The following ACTR3C variants were observed in gnomAD, a reference collection of about 807,000 sequenced individuals.
ACTR3C encodes actin-related protein 3C.
ACTR3C carries 18 observed loss-of-function variants against 26.3 expected under a neutral mutation model. The observed-to-expected ratio is 0.68, with a 90% CI of 0.47 to 1.01. The LOEUF (loss-of-function observed/expected upper bound fraction) is 1.01. Ranked by LOEUF, ACTR3C falls within the 50% of genes least tolerant of loss-of-function variation. The probability of loss-of-function intolerance (pLI) is 0.00; values close to 1 mark genes in which losing one functional copy is unlikely to be tolerated. For synonymous variants in ACTR3C, 55 were observed against 94.5 expected, an observed-to-expected ratio of 0.58 and a Z score of 2.42; for missense variants, 184 against 250.7, an observed-to-expected ratio of 0.73 and a Z score of 1.80.
the ACTR3C span, among the ~76,000 whole-genome samples, chr7:150,049,115 C>T: frequency 1.0e-2 from 1,519 of 152,074 alleles, 10 homozygotes; most frequent in African/African-American, 0.035. Flanking sequence ...TGCCTCCTGC[C>T]CAGCCGCAGG....
At chr7:149,918,255 C>T in the ACTR3C span, among the ~76,000 whole-genome samples, 430 of 152,066 alleles carry the variant, frequency 2.8e-3, no homozygotes, top group Non-Finnish European at 4.5e-3. Flanking sequence ...GTAAGGTAAA[C>T]TCTGACTTCC....
At chr7:150,233,194 A>G in the ACTR3C span, among the ~76,000 whole-genome samples, 2 of 150,680 alleles carry the variant, frequency 1.3e-5, no homozygotes, top group Admixed American at 6.6e-5. Flanking sequence ...GGAAGTCTTT[A>G]TTTCTCAAGT....
At chr7:150,090,882 G>A in the ACTR3C span, among the ~76,000 whole-genome samples, 1 of 152,180 alleles carries the variant, frequency 6.6e-6, no homozygotes, top group Admixed American at 6.5e-5. Context: ...TGGTTGAGGG[G>A]CTGACTCTGG....
the ACTR3C span, among the ~76,000 whole-genome samples, chr7:150,109,301 T>A: frequency 6.6e-6 from 1 of 152,110 alleles, no homozygotes; most frequent in African/African-American, 2.4e-5. Flanking sequence ...CTTCTATGGA[T>A]GTAAACTAAT....
At chr7:149,920,802 C>T in the ACTR3C span, among the ~76,000 whole-genome samples, 6 of 151,356 alleles carry the variant, frequency 4.0e-5, no homozygotes, top group Admixed American at 6.6e-5. Flanking sequence ...GTTTCACTCT[C>T]GTTGCCCAGG....
At chr7:150,048,197 C>A in the ACTR3C span, among the ~76,000 whole-genome samples, 2 of 152,130 alleles carry the variant, frequency 1.3e-5, no homozygotes, top group African/African-American at 4.8e-5. Flanking sequence ...GAAAAAAAAC[C>A]AAAAACATAA....
At chr7:150,022,876 G>GT in the ACTR3C span, among the ~76,000 whole-genome samples, 143,970 of 151,624 alleles carry the variant, frequency 0.95, 68,588 homozygotes, top group East Asian at 1. Context: ...TTTATAATAA[G>GT]TGCCATCTAG....
the ACTR3C span, among the ~76,000 whole-genome samples, chr7:149,896,788 G>A: frequency 8.8e-4 from 133 of 151,926 alleles, no homozygotes; most frequent in Admixed American, 1.2e-3. Context: ...GGCTGGGCGC[G>A]GTGGCTCACG....
At chr7:150,034,095 GCAGGTCCCAACAACC>G in the ACTR3C span, among the ~76,000 whole-genome samples, 1 of 150,964 alleles carries the variant, frequency 6.6e-6, no homozygotes. Context: ...ACCCCGCGAT[GCAGGTCCCAACAACC>G]GGGGGGAAGA....
At chr7:150,041,578 C>T in the ACTR3C span, 1 of 146,598 alleles carries the variant, frequency 6.8e-6, no homozygotes, top group Non-Finnish European at 1.4e-5. Flanking sequence ...GATGGGGGTC[C>T]TAAGAGCCAG....
At chr7:150,306,135 A>AT (rs1795791024) in intron 1 of ACTR3C, among the ~76,000 whole-genome samples, 1 of 152,242 alleles carries the variant, frequency 6.6e-6, no homozygotes, top group African/African-American at 2.4e-5. Flanking sequence ...GTTTTTGAAC[A>AT]TTCATTGCAG....
the ACTR3C span, among the ~76,000 whole-genome samples, chr7:150,161,073 C>A: frequency 6.6e-6 from 1 of 150,786 alleles, no homozygotes; most frequent in Non-Finnish European, 1.5e-5. Context: ...GGGTTCATTT[C>A]TCCCTGTCCC....
Position 150,315,118 on chromosome 7 carries a change from T to C in ACTR3C, c.-52+8351A>G, listed in dbSNP as rs747317199. On this transcript the variant is annotated intron_variant, in intron 1 of 7. Transcript: ENST00000683684. Reference sequence around the variant, plus strand: ...TATTTTATTTATATTATTTATTTTATATATTATGTATAATAAATAATATTT... The same window carrying C: ...TATTTTATTTATATTATTTATTTTACATATTATGTATAATAAATAATATTT... Among the ~76,000 whole-genome samples, 422 of 147,336 alleles carry C rather than the reference T, an allele frequency of 2.9e-3. 1 individual carries two copies. The highest frequency in any genetic ancestry group is 5.1e-3 in the Non-Finnish European group (339 of 66,814).
chr7:149,995,404 G>T, the ACTR3C span, among the ~76,000 whole-genome samples: 63,493 of 147,898 alleles, frequency 0.43, 9,666 homozygotes, highest in Middle Eastern at 0.49. Context: ...AAAGGGAGAG[G>T]AGGACAGGGG....
At chr7:150,099,235 G>A in the ACTR3C span, among the ~76,000 whole-genome samples, 4 of 149,484 alleles carry the variant, frequency 2.7e-5, no homozygotes, top group African/African-American at 9.9e-5. Context: ...ATGGTTTTAT[G>A]TACTGAACTT....
At chr7:150,067,935 C>T in the ACTR3C span, among the ~76,000 whole-genome samples, 1 of 151,958 alleles carries the variant, frequency 6.6e-6, no homozygotes, top group Non-Finnish European at 1.5e-5. Context: ...AAAAAATGAA[C>T]TCCTAGAACA....
At chr7:150,038,374 G>T in the ACTR3C span, among the ~76,000 whole-genome samples, 1 of 143,034 alleles carries the variant, frequency 7.0e-6, no homozygotes, top group African/African-American at 2.7e-5. Flanking sequence ...AATGGAAAAG[G>T]CTTTGTCAGG....
intron 6 of ACTR3C, among the ~76,000 whole-genome samples, chr7:150,250,468 G>C (rs1177376739): frequency 6.6e-6 from 1 of 151,910 alleles, no homozygotes; most frequent in African/African-American, 2.4e-5. Context: ...CTCCCAAAGT[G>C]CTGGGATTAC....
the ACTR3C span, among the ~76,000 whole-genome samples, chr7:150,016,842 C>G: frequency 2.0e-5 from 3 of 152,194 alleles, no homozygotes; most frequent in East Asian, 5.8e-4. Context: ...GTAATTTGTG[C>G]AATAACATCA....
Sources: gnomAD v4.1 joint callset for allele counts (sites outside exome capture counted in the v4.1 genomes callset) on GRCh38, gnomAD v4.1.1 for gene constraint, MANE v1.5 for transcripts, NCBI Gene and HGNC (gene_info 2026-07-23, HGNC 2026-07-21) for gene names.